The following PLCG1 variants were observed in gnomAD, a reference collection of about 807,000 sequenced individuals.
The protein encoded by PLCG1 is phospholipase C gamma 1.
A neutral mutation model predicts 177.8 loss-of-function variants in PLCG1; 71 were observed. That is an observed-to-expected ratio of 0.40 (90% CI 0.33 to 0.49). The LOEUF (loss-of-function observed/expected upper bound fraction) is 0.49. Among genes scored for constraint, PLCG1 ranks in the 20% least tolerant of loss-of-function variants. PLCG1 has a pLI of 0.72. For synonymous variants in PLCG1, 658 were observed against 647.9 expected, an observed-to-expected ratio of 1.02 and a Z score of -0.24; for missense variants, 1,281 against 1,709.0, an observed-to-expected ratio of 0.75 and a Z score of 4.42.
chr20:41,140,461 TAC>T (rs2034785683), intron 1 of PLCG1, among the ~76,000 whole-genome samples: 1 of 152,156 alleles, frequency 6.6e-6, no homozygotes, highest in Non-Finnish European at 1.5e-5. Context: ...CCTACCAGGG[TAC>T]CAGCAGTGCC....
In PLCG1 at chr20:41,165,849, G is replaced by T. The variant is rs6124323; in HGVS notation, c.1799+23G>T. 6.5e-7 allele frequency: 1 copy of T among 1,535,746 alleles called. No individual in the cohort carries two copies. The highest frequency in any genetic ancestry group is 1.2e-5 in the South Asian group (1 of 82,914). ...CTGGTAACACTTCCCATGCAGATGC[G>T]TATGTTCAGTCAGCGTGTGTACACA... is the stretch of plus-strand genomic sequence containing the variant. On this transcript the variant is annotated intron_variant, in intron 16 of 31. Coordinates refer to ENST00000685551, the MANE Select transcript of PLCG1 (RefSeq NM_002660.3). This position sits in a 1 kb window ranked among gnomAD's most constrained non-coding sequence, Gnocchi z 6.6.
Position 41,162,436 on chromosome 20 carries a change from G to A in PLCG1, c.513-16G>A. Reference sequence around the variant, plus strand: ...GAAGCTGGATGAGACCACTGGGGATGTCCCTGTTTTCTCAGTATATCAGCC... The same window carrying A: ...GAAGCTGGATGAGACCACTGGGGATATCCCTGTTTTCTCAGTATATCAGCC... On this transcript the variant is annotated splice_polypyrimidine_tract_variant and intron_variant, in intron 4 of 31. Transcript: ENST00000685551. 6.2e-7 allele frequency: 1 copy of A among 1,602,442 alleles called. No individual in the cohort carries two copies.
intron 1 of PLCG1, among the ~76,000 whole-genome samples, chr20:41,152,882 G>T (rs551493814): frequency 8.4e-4 from 128 of 152,374 alleles, no homozygotes; most frequent in African/African-American, 2.9e-3. Flanking sequence ...GAGGAGGTAG[G>T]AGTGGCTTGT....
At position 41,172,648 on chromosome 20, in the gene PLCG1, G is replaced by T. The variant is rs2035939161; in HGVS notation, c.3130+3G>T. On this transcript the variant is annotated splice_donor_region_variant and intron_variant, in intron 26 of 31. Transcript: ENST00000685551. This position sits in a 1 kb window ranked among gnomAD's most constrained non-coding sequence, Gnocchi z 7.0. The stretch of plus-strand genomic sequence containing the variant: ...GGCCCTCAACTTCCAGACCCCTGGT[G>T]AGGAAGTCCCCTGTGAGGAGGGTGA... The T allele has an allele frequency of 1.1e-5, 17 of 1,613,696 alleles. No homozygotes were observed. The highest frequency in any genetic ancestry group is 1.4e-5 in the Non-Finnish European group (17 of 1,179,684).
chr20:41,159,668 C>G lies in PLCG1; in HGVS notation c.280C>G (p.Gln94Glu). 1.9e-6 allele frequency: 3 copies of G among 1,614,214 alleles called. No individual in the cohort carries two copies. The highest frequency in any genetic ancestry group is 2.5e-6 in the Non-Finnish European group (3 of 1,180,020). ...GACCTCACGGGACTTTGATCGCTAT[C>G]AAGAGGACCCAGCTTTCCGGCCGGA... ...GKTSRDFDRY[Q>E]EDPAFRPDQS... Residue 94 changes from glutamine (Q) to glutamate (E), a missense_variant, in exon 2 of 32, where the codon CAA becomes GAA. Physicochemically the swap from Gln to Glu is conservative, Grantham distance 29. Around this residue, in one of 4 missense-constraint regions of PLCG1, gnomAD observed 374 missense variants for 443.8 expected, o/e 0.84. Transcript: ENST00000685551. The surrounding 1 kb of genome is among the most constrained non-coding windows in gnomAD (Gnocchi z 6.0).
intron 1 of PLCG1, among the ~76,000 whole-genome samples, chr20:41,149,548 G>A (rs748183328): frequency 2.0e-5 from 3 of 152,212 alleles, no homozygotes; most frequent in South Asian, 2.1e-4. Context: ...TCTTTGAGAC[G>A]TTTTGAGATG....
chr20:41,139,627 C>G (rs755523679), intron 1 of PLCG1, among the ~76,000 whole-genome samples: 8 of 152,160 alleles, frequency 5.3e-5, no homozygotes, highest in Non-Finnish European at 1.0e-4. Context: ...GCTCCAGGAT[C>G]AAATGAGACA....
In PLCG1 at chr20:41,148,027, G is replaced by A. The variant is rs1021076659; in HGVS notation, c.217+10169G>A. Reference sequence around the variant, plus strand: ...GCTGGCATGGCGCAAAGGGAGTGCAGCCAGATGCTGTGGCGGCTGGGTCAA... The same window carrying A: ...GCTGGCATGGCGCAAAGGGAGTGCAACCAGATGCTGTGGCGGCTGGGTCAA... On this transcript the variant is annotated intron_variant, in intron 1 of 31. Coordinates refer to ENST00000685551, the MANE Select transcript of PLCG1 (RefSeq NM_002660.3). The surrounding 1 kb of genome is among the most constrained non-coding windows in gnomAD (Gnocchi z 4.3). 6.6e-6 allele frequency among the ~76,000 whole-genome samples: 1 copy of A among 152,126 alleles called. No individual in the cohort carries two copies. The highest frequency in any genetic ancestry group is 2.4e-5 in the African/African-American group (1 of 41,408).
chr20:41,165,383 G>A lies in PLCG1; in HGVS notation c.1509+16G>A. The A allele has an allele frequency of 6.2e-7, 1 of 1,614,194 alleles. No individual in the cohort carries two copies. Among genetic ancestry groups the A allele is most frequent in the Non-Finnish European group, 8.5e-7 (1 of 1,180,006 alleles). ...TGTGAACCACGTGAGGACTGGGCCA[G>A]GCTGGGGGTGGTAGGCCAGTGGGTG... On this transcript the variant is annotated intron_variant, in intron 14 of 31. Coordinates refer to ENST00000685551, the MANE Select transcript of PLCG1 (RefSeq NM_002660.3). This position sits in a 1 kb window ranked among gnomAD's most constrained non-coding sequence, Gnocchi z 6.6.
At position 41,174,577 on chromosome 20, in the gene PLCG1, T is replaced by C; in HGVS notation, c.*68T>C. The C allele has an allele frequency of 2.1e-6, 3 of 1,418,710 alleles. No individual in the cohort carries two copies. Among genetic ancestry groups the C allele is most frequent in the Non-Finnish European group, 2.9e-6 (3 of 1,025,868 alleles). The allele number at this position is 1,418,710 out of a possible 1,614,324, so 87.9% of individuals were successfully genotyped here. On this transcript the variant is annotated 3_prime_UTR_variant, in exon 32 of 32. Coordinates refer to ENST00000685551, the MANE Select transcript of PLCG1 (RefSeq NM_002660.3). The surrounding 1 kb of genome is among the most constrained non-coding windows in gnomAD (Gnocchi z 5.8). ...TTGTAGAATGCCGCGAACTGGGTTC[T>C]TTGGAAGCAGCCCCCTGTGGCGGCC... is the stretch of plus-strand genomic sequence containing the variant.
At position 41,137,695 on chromosome 20, in the gene PLCG1, G is replaced by A; in HGVS notation, c.54G>A (p.Ser18=). Residue 18 remains serine (S), a synonymous_variant, in exon 1 of 32, where the codon TCG becomes TCA. Coordinates refer to ENST00000685551, the MANE Select transcript of PLCG1 (RefSeq NM_002660.3). This position sits in a 1 kb window ranked among gnomAD's most constrained non-coding sequence, Gnocchi z 7.3. ...CANGCGPGAP[S]DAEVLHLCRS... ...ACGGCTGCGGGCCCGGCGCGCCCTC[G>A]GACGCCGAGGTGCTGCACCTCTGCC... 2 of 1,316,120 alleles carry A rather than the reference G, an allele frequency of 1.5e-6. No individual in the cohort carries two copies. Among genetic ancestry groups the A allele is most frequent in the Non-Finnish European group, 1.9e-6 (2 of 1,030,536 alleles). 81.5% of individuals were successfully genotyped at this position (1,316,120 alleles called of 1,614,324 possible). A position where few individuals can be genotyped will look rare whatever the true frequency, so the allele number is the denominator to read the frequency against.
At chr20:41,142,383 G>A (rs1252905971) in intron 1 of PLCG1, among the ~76,000 whole-genome samples, 2 of 152,244 alleles carry the variant, frequency 1.3e-5, no homozygotes, top group African/African-American at 2.4e-5. Flanking sequence ...TGGAGGCGAC[G>A]GGAGTCAGCG....
At position 41,174,529 on chromosome 20, in the gene PLCG1, G is replaced by C. The variant is rs1450814312; in HGVS notation, c.*20G>C. 1.3e-6 allele frequency: 2 copies of C among 1,575,018 alleles called. No individual in the cohort carries two copies. Among genetic ancestry groups the C allele is most frequent in the East Asian group, 4.7e-5 (2 of 42,824 alleles). On this transcript the variant is annotated 3_prime_UTR_variant, in exon 32 of 32. Transcript: ENST00000685551. This position sits in a 1 kb window ranked among gnomAD's most constrained non-coding sequence, Gnocchi z 5.8. ...CTCTAGTTGTACCCCAGCCTCGTTG[G>C]AGAGCAGCAGGTGCTGTGCGCCTTG... is the stretch of plus-strand genomic sequence containing the variant.
chr20:41,173,618 G>T lies in PLCG1; in HGVS notation c.3395-34G>T. 1 of 1,614,044 alleles carries T rather than the reference G, an allele frequency of 6.2e-7. No homozygotes were observed. The highest frequency in any genetic ancestry group is 1.1e-5 in the South Asian group (1 of 91,076). Reference sequence around the variant, plus strand: ...CACCAGTCATCCCATCCTCTCCCACGGTGACCTGAAGCCTTTTGTCGTTGC... The same window carrying T: ...CACCAGTCATCCCATCCTCTCCCACTGTGACCTGAAGCCTTTTGTCGTTGC... On this transcript the variant is annotated intron_variant, in intron 28 of 31. Coordinates refer to ENST00000685551, the MANE Select transcript of PLCG1 (RefSeq NM_002660.3). The surrounding 1 kb of genome is among the most constrained non-coding windows in gnomAD (Gnocchi z 6.2).
Position 41,172,171 on chromosome 20 carries a change from AG to A in PLCG1, c.2809-19del. On this transcript the variant is annotated intron_variant, in intron 24 of 31. Coordinates refer to ENST00000685551, the MANE Select transcript of PLCG1 (RefSeq NM_002660.3). The surrounding 1 kb of genome is among the most constrained non-coding windows in gnomAD (Gnocchi z 7.0). The stretch of plus-strand genomic sequence containing the variant: ...GGGCAGGGCTGTAGCCTGGGGCTAC[AG>A]GGCCTTGTGTGTGTCACCAGCTCAC... 1 of 1,585,938 alleles carries A rather than the reference AG, an allele frequency of 6.3e-7. No homozygotes were observed. The highest frequency in any genetic ancestry group is 8.7e-7 in the Non-Finnish European group (1 of 1,154,248).
rs553303498 is a variant in PLCG1, at chr20:41,157,580, G to C, written c.218-2026G>C. ...AGCAAGCCCTGGAGGGGCCCTGCCT[G>C]GCCTTAGGTATGTGAGCATGTATGT... is the stretch of plus-strand genomic sequence containing the variant. On this transcript the variant is annotated intron_variant, in intron 1 of 31. Coordinates refer to ENST00000685551, the MANE Select transcript of PLCG1 (RefSeq NM_002660.3). The surrounding 1 kb of genome is among the most constrained non-coding windows in gnomAD (Gnocchi z 5.4). Among the ~76,000 whole-genome samples, 2 of 152,338 alleles carry C rather than the reference G, an allele frequency of 1.3e-5. No individual in the cohort carries two copies. Among genetic ancestry groups the C allele is most frequent in the South Asian group, 4.1e-4 (2 of 4,824 alleles).
Position 41,165,707 on chromosome 20 carries a change from C to T in PLCG1, c.1680C>T (p.Asp560=), listed in dbSNP as rs754632617. The part of the protein sequence containing the change: ...WFHGKLGAGR[D]GRHIAERLLT... ...ATGGGAAGCTAGGGGCAGGGCGTGA[C>T]GGGCGTCACATCGCTGAGCGCCTGC... is the stretch of plus-strand genomic sequence containing the variant. The change falls in exon 16 of 32, where the codon GAC becomes GAT. Residue 560 remains aspartate (D), a synonymous_variant. Coordinates refer to ENST00000685551, the MANE Select transcript of PLCG1 (RefSeq NM_002660.3). This position sits in a 1 kb window ranked among gnomAD's most constrained non-coding sequence, Gnocchi z 6.6. 14 of 1,613,728 alleles carry T rather than the reference C, an allele frequency of 8.7e-6. No homozygotes were observed. Among genetic ancestry groups the T allele is most frequent in the African/African-American group, 2.7e-5 (2 of 74,924 alleles).
In PLCG1 at chr20:41,174,682, C is replaced by CTGTT; in HGVS notation, c.*175_*178dup. On this transcript the variant is annotated 3_prime_UTR_variant, in exon 32 of 32. Transcript: ENST00000685551. The surrounding 1 kb of genome is among the most constrained non-coding windows in gnomAD (Gnocchi z 5.8). ...CCAAGCCATTAATGAGATGTTATTACTGTTTTGGGCCTCCATGCCCCAGCT... is the reference window on the plus strand; with the variant it reads ...CCAAGCCATTAATGAGATGTTATTACTGTTTGTTTTGGGCCTCCATGCCCCAGCT... 4 of 636,020 alleles carry CTGTT rather than the reference C, an allele frequency of 6.3e-6. No individual in the cohort carries two copies. In the South Asian group the frequency reaches 7.5e-5, roughly 12 times the overall value. 39.4% of individuals were successfully genotyped at this position (636,020 alleles called of 1,614,324 possible).
Position 41,162,806 on chromosome 20 carries a change from C to T in PLCG1, c.681+81C>T. On this transcript the variant is annotated intron_variant, in intron 6 of 31. Transcript: ENST00000685551. ...CCCAGCTCTGCCTGCCTCAGCCCTG[C>T]TGCCCTGCTTAGGGGCTTTTGGGTG... 4 of 1,395,388 alleles carry T rather than the reference C, an allele frequency of 2.9e-6. No individual in the cohort carries two copies. In the South Asian group the frequency reaches 3.6e-5, roughly 13 times the overall value. The allele number at this position is 1,395,388 out of a possible 1,614,324, so 86.4% of individuals were successfully genotyped here. A position where few individuals can be genotyped will look rare whatever the true frequency, so the allele number is the denominator to read the frequency against.
Sources: allele counts gnomAD v4.1 joint callset (sites outside exome capture counted in the v4.1 genomes callset), GRCh38; gene constraint gnomAD v4.1.1; regional missense constraint gnomAD v4.1.1; non-coding constraint Gnocchi (gnomAD v3.1); transcripts MANE v1.5; gene names NCBI Gene and HGNC (gene_info 2026-07-23, HGNC 2026-07-21).